The following BAIAP2 variants were observed in gnomAD, a reference collection of about 807,000 sequenced individuals.
The protein encoded by BAIAP2 is BAR/IMD domain-containing adapter protein 2.
In BAIAP2, 18 loss-of-function variants were observed where a neutral mutation model predicts 63.0. That is an observed-to-expected ratio of 0.29 (90% CI 0.20 to 0.42). The LOEUF (loss-of-function observed/expected upper bound fraction) is 0.42. Among genes scored for constraint, BAIAP2 ranks in the 10% least tolerant of loss-of-function variants. The pLI is 1.00. For missense variants in BAIAP2, 610 were observed against 734.3 expected (o/e 0.83, Z 1.96); for synonymous variants, 386 against 307.6 (o/e 1.25, Z -2.67).
At chr17:81,100,661 A>C (rs569043815) in intron 7 of BAIAP2, among the ~76,000 whole-genome samples, 1 of 152,262 alleles carries the variant, frequency 6.6e-6, no homozygotes, top group Admixed American at 6.5e-5. Flanking sequence ...CCCCAGGTCC[A>C]GCAGCTGCCA....
chr17:81,043,237 G>C (rs1324445588), intron 1 of BAIAP2, among the ~76,000 whole-genome samples: 1 of 152,220 alleles, frequency 6.6e-6, no homozygotes, highest in Admixed American at 6.5e-5. Flanking sequence ...AGTGGACCTG[G>C]GTCCCCCCAT....
At chr17:81,038,825 A>T (rs151138163) in intron 1 of BAIAP2, among the ~76,000 whole-genome samples, 106 of 151,828 alleles carry the variant, frequency 7.0e-4, no homozygotes, top group African/African-American at 2.5e-3. Context: ...CTCCATTTGG[A>T]GACGGTGGGG....
At chr17:81,076,397 C>T (rs1252791002) in intron 3 of BAIAP2, 1 of 152,166 alleles carries the variant, frequency 6.6e-6, no homozygotes, top group Admixed American at 6.5e-5. Context: ...TCTGACCTCC[C>T]AAAAGGTCAA....
intron 3 of BAIAP2, among the ~76,000 whole-genome samples, chr17:81,080,177 C>A (rs528115324): frequency 9.5e-4 from 144 of 152,374 alleles, no homozygotes; most frequent in South Asian, 1.7e-3. Context: ...CCCCGTCCTT[C>A]CAGCTGGCAC....
chr17:81,088,174 T>G (rs564968182), intron 6 of BAIAP2, among the ~76,000 whole-genome samples: 2 of 152,064 alleles, frequency 1.3e-5, no homozygotes, highest in East Asian at 3.9e-4. Context: ...TCCGAGCAGG[T>G]CAGGACAGTG....
At chr17:81,093,050 G>A (rs2057046200) in intron 6 of BAIAP2, among the ~76,000 whole-genome samples, 1 of 151,784 alleles carries the variant, frequency 6.6e-6, no homozygotes, top group Non-Finnish European at 1.5e-5. Flanking sequence ...CTGGAACCCA[G>A]GGTGGGAGGC....
In BAIAP2 at chr17:81,057,969, T is replaced by TGGGGGGGGGGGGGGG; in HGVS notation, c.217+3_217+4insGGGGGGGGGGGGGGG. Reference sequence around the variant, plus strand: ...AGAGCCAGGGCTCCAAAGAACTCGGTGAGACCCCCCCCCCCCCCCCGCCTG... The same window carrying TGGGGGGGGGGGGGGG: ...AGAGCCAGGGCTCCAAAGAACTCGGTGGGGGGGGGGGGGGGGAGACCCCCCCCCCCCCCCCGCCTG... On this transcript the variant is annotated splice_region_variant and intron_variant, in intron 3 of 13. Coordinates refer to ENST00000428708, the MANE Select transcript of BAIAP2 (RefSeq NM_001144888.2). 2.1e-6 allele frequency: 2 copies of TGGGGGGGGGGGGGGG among 964,862 alleles called. No homozygotes were observed. Among genetic ancestry groups the TGGGGGGGGGGGGGGG allele is most frequent in the Middle Eastern group, 3.7e-4 (1 of 2,688 alleles). The allele number at this position is 964,862 out of a possible 1,614,324, so 59.8% of individuals were successfully genotyped here.
chr17:81,038,707 CAGGG>C (rs1312720435), intron 1 of BAIAP2, among the ~76,000 whole-genome samples: 1 of 152,236 alleles, frequency 6.6e-6, no homozygotes, highest in East Asian at 1.9e-4. Context: ...TGCTGGGTGG[CAGGG>C]AGCACACTGC....
intron 3 of BAIAP2, among the ~76,000 whole-genome samples, chr17:81,078,323 T>C (rs2054031854): frequency 1.5e-5 from 2 of 137,272 alleles, no homozygotes; most frequent in African/African-American, 5.6e-5. Context: ...GGTGCCGTAT[T>C]GGGTGGGAGC....
intron 13 of BAIAP2, chr17:81,109,910 G>A (rs1376441110): frequency 1.0e-6 from 1 of 985,278 alleles, no homozygotes; most frequent in Non-Finnish European, 1.2e-6. Flanking sequence ...CCCGGCTGGG[G>A]GAGGGCAGCT....
chr17:81,052,478 G>A (rs1352091504), intron 1 of BAIAP2, among the ~76,000 whole-genome samples: 3 of 152,216 alleles, frequency 2.0e-5, no homozygotes, highest in South Asian at 2.1e-4. Flanking sequence ...CGTTACCACC[G>A]GAGGGTCCAG....
chr17:81,078,761 C>A (rs1217458886), intron 3 of BAIAP2, among the ~76,000 whole-genome samples: 1 of 152,072 alleles, frequency 6.6e-6, no homozygotes, highest in African/African-American at 2.4e-5. Flanking sequence ...GCAGCCTCCG[C>A]TCCTCTCTGG....
intron 13 of BAIAP2, chr17:81,108,767 G>T: frequency 1.0e-6 from 1 of 955,766 alleles, no homozygotes. Context: ...GTTGGGGAGG[G>T]TAGCTGAGGC....
At chr17:81,037,122 T>G (rs906527184) in intron 1 of BAIAP2, among the ~76,000 whole-genome samples, 6 of 152,004 alleles carry the variant, frequency 3.9e-5, no homozygotes, top group Admixed American at 1.3e-4. Context: ...ACTGAGTGTT[T>G]GGGGACTTTG....
At chr17:81,087,040 G>A (rs760862858) in intron 6 of BAIAP2, 1 of 170,636 alleles carries the variant, frequency 5.9e-6, no homozygotes, top group Non-Finnish European at 1.3e-5. Flanking sequence ...GTGCTGAGTG[G>A]GCTGGGACGT....
intron 1 of BAIAP2, among the ~76,000 whole-genome samples, chr17:81,036,291 C>T (rs1233888367): frequency 6.6e-6 from 1 of 152,228 alleles, no homozygotes; most frequent in Non-Finnish European, 1.5e-5. Flanking sequence ...TACAGATGTG[C>T]TTTGTTTCAA....
chr17:81,100,143 C>T (rs1463896172), intron 7 of BAIAP2, 63 bp downstream of exon 7: 7 of 1,537,754 alleles, frequency 4.6e-6, no homozygotes, highest in Non-Finnish European at 2.6e-6. Context: ...TGACCCAGGC[C>T]CCTGCCCCAG....
At chr17:81,079,612 A>G (rs566614724) in intron 3 of BAIAP2, among the ~76,000 whole-genome samples, 18 of 152,138 alleles carry the variant, frequency 1.2e-4, no homozygotes, top group African/African-American at 3.6e-4. Flanking sequence ...CCTGGGTGCA[A>G]CGCTGCTGCA....
intron 1 of BAIAP2, among the ~76,000 whole-genome samples, chr17:81,045,166 G>A (rs1002601519): frequency 3.3e-5 from 5 of 152,208 alleles, no homozygotes; most frequent in African/African-American, 1.2e-4. Context: ...TGCTCCTTGG[G>A]ACCTCGTTCA....
Sources: gnomAD v4.1 joint callset for allele counts (sites outside exome capture counted in the v4.1 genomes callset) on GRCh38, gnomAD v4.1.1 for gene constraint, MANE v1.5 for transcripts, NCBI Gene and HGNC (gene_info 2026-07-23, HGNC 2026-07-21) for gene names.